LOC400499: variants seen among roughly 807,000 people sequenced by gnomAD.
chr16:11,394,999 G>A, the LOC400499 span, among the ~76,000 whole-genome samples: 8 of 152,340 alleles, frequency 5.3e-5, no homozygotes, highest in African/African-American at 1.9e-4. Flanking sequence ...GAAGCATGTC[G>A]ATCTCTGAGG....
the LOC400499 span, among the ~76,000 whole-genome samples, chr16:11,435,403 A>C: frequency 1.3e-5 from 2 of 152,154 alleles, no homozygotes; most frequent in African/African-American, 4.8e-5. Context: ...CAAGGTGCCC[A>C]GCCCTTTATA....
At chr16:11,410,655 G>A in the LOC400499 span, among the ~76,000 whole-genome samples, 2,198 of 152,272 alleles carry the variant, frequency 0.014, 63 homozygotes, top group African/African-American at 0.05. Flanking sequence ...GGAAAATGAA[G>A]TGACTAGTTA....
the LOC400499 span, among the ~76,000 whole-genome samples, chr16:11,507,437 C>T: frequency 6.6e-6 from 1 of 152,204 alleles, no homozygotes; most frequent in Non-Finnish European, 1.5e-5. Context: ...TGCTTTGGGC[C>T]ATGCTGCCTG....
chr16:11,448,423 A>G, the LOC400499 span, among the ~76,000 whole-genome samples: 1 of 152,212 alleles, frequency 6.6e-6, no homozygotes, highest in Non-Finnish European at 1.5e-5. Context: ...TCATGCCTGT[A>G]ATCCCAACAC....
the LOC400499 span, among the ~76,000 whole-genome samples, chr16:11,492,390 G>C: frequency 2.6e-5 from 4 of 151,688 alleles, no homozygotes; most frequent in Admixed American, 2.6e-4. Context: ...ACTGTGCTAG[G>C]TGACAGCCAT....
At chr16:11,491,932 T>A in the LOC400499 span, 9 of 396,146 alleles carry the variant, frequency 2.3e-5, no homozygotes, top group African/African-American at 1.9e-4. Context: ...CAGGTGGACC[T>A]GCTGCCTAGC....
the LOC400499 span, among the ~76,000 whole-genome samples, chr16:11,403,642 T>C: frequency 2.0e-5 from 3 of 152,298 alleles, no homozygotes; most frequent in South Asian, 6.2e-4. Flanking sequence ...GGGTCTGCAC[T>C]CTGTCTCCAC....
the LOC400499 span, chr16:11,456,905 G>A: frequency 2.5e-5 from 39 of 1,536,006 alleles, no homozygotes; most frequent in East Asian, 1.7e-4. Flanking sequence ...TCCACTGCCC[G>A]CCTGCCACAA....
the LOC400499 span, among the ~76,000 whole-genome samples, chr16:11,473,834 ATTGT>A: frequency 8.6e-5 from 13 of 151,904 alleles, no homozygotes; most frequent in Admixed American, 6.6e-4. Context: ...AAAGGGCCAG[ATTGT>A]TTGTTTGTTT....
At chr16:11,379,188 C>T in the LOC400499 span, among the ~76,000 whole-genome samples, 1 of 152,172 alleles carries the variant, frequency 6.6e-6, no homozygotes, top group African/African-American at 2.4e-5. Flanking sequence ...GTGGAGGTTG[C>T]AGTGAGCCGT....
the LOC400499 span, among the ~76,000 whole-genome samples, chr16:11,519,289 A>G: frequency 6.6e-6 from 1 of 152,228 alleles, no homozygotes; most frequent in Non-Finnish European, 1.5e-5. Context: ...ATTGTAGAGC[A>G]GACAAAGGCT....
At chr16:11,386,596 C>A in the LOC400499 span, among the ~76,000 whole-genome samples, 1 of 152,214 alleles carries the variant, frequency 6.6e-6, no homozygotes, top group Non-Finnish European at 1.5e-5. Context: ...AGTACATGCC[C>A]ATTACCCATA....
the LOC400499 span, among the ~76,000 whole-genome samples, chr16:11,473,922 C>G: frequency 2.0e-5 from 3 of 152,188 alleles, no homozygotes; most frequent in Admixed American, 2.0e-4. Flanking sequence ...GTGGCATGAA[C>G]ACAGCTCACT....
At chr16:11,505,644 C>G in the LOC400499 span, among the ~76,000 whole-genome samples, 1 of 151,544 alleles carries the variant, frequency 6.6e-6, no homozygotes, top group Non-Finnish European at 1.5e-5. Flanking sequence ...TGGGCTCTCT[C>G]CCTGTGTTGC....
chr16:11,481,038 G>C, the LOC400499 span, among the ~76,000 whole-genome samples: 3 of 152,236 alleles, frequency 2.0e-5, no homozygotes, highest in African/African-American at 7.2e-5. Flanking sequence ...ATGGAGTACT[G>C]AGCTACGCTA....
chr16:11,383,634 C>T, the LOC400499 span: 1 of 1,232,136 alleles, frequency 8.1e-7, no homozygotes, highest in Admixed American at 4.2e-5. Context: ...ATGGCTGGGG[C>T]AGCTTACCAC....
At chr16:11,497,801 G>A in the LOC400499 span, among the ~76,000 whole-genome samples, 1 of 150,244 alleles carries the variant, frequency 6.7e-6, no homozygotes, top group African/African-American at 2.5e-5. Flanking sequence ...ACATCGCAAA[G>A]AGAAGAACAA....
chr16:11,485,427 C>T, the LOC400499 span, among the ~76,000 whole-genome samples: 1 of 152,268 alleles, frequency 6.6e-6, no homozygotes, highest in South Asian at 2.1e-4. Flanking sequence ...CTCGAAAGAT[C>T]CAGGATGAGG....
At chr16:11,442,128 C>T in the LOC400499 span, 1 of 152,104 alleles carries the variant, frequency 6.6e-6, no homozygotes, top group African/African-American at 2.4e-5. Context: ...AAAGGGTGCT[C>T]GGCTTTACTT....
Sources: gnomAD v4.1 joint callset for allele counts (sites outside exome capture counted in the v4.1 genomes callset) on GRCh38, gnomAD v4.1.1 for gene constraint, MANE v1.5 for transcripts.